LMCD1: variants seen among roughly 807,000 people sequenced by gnomAD.
LMCD1 encodes LIM and cysteine-rich domains protein 1.
Under a neutral mutation model 42.7 loss-of-function variants are expected in LMCD1, and 32 were observed. The ratio of observed to expected loss-of-function variants is 0.75; its 90% CI spans 0.57 to 1.01. The LOEUF (loss-of-function observed/expected upper bound fraction) is 1.01. Ranked by LOEUF, LMCD1 falls within the 50% of genes least tolerant of loss-of-function variation. LMCD1 has a pLI of 0.00. For synonymous variants in LMCD1, 178 were observed against 184.9 expected (o/e 0.96, Z 0.30); for missense variants, 458 against 483.1 (o/e 0.95, Z 0.49).
At chr3:8,543,890 T>C (rs1694683352) in intron 3 of LMCD1, among the ~76,000 whole-genome samples, 1 of 152,242 alleles carries the variant, frequency 6.6e-6, no homozygotes, top group Admixed American at 6.5e-5. Context: ...TCTTCAGACC[T>C]ACCTGACTGA....
chr3:8,506,728 AT>A (rs1164633790), intron 1 of LMCD1, among the ~76,000 whole-genome samples: 1 of 152,174 alleles, frequency 6.6e-6, no homozygotes, highest in Non-Finnish European at 1.5e-5. Context: ...TTAAATCTTT[AT>A]TTTAAGAACA....
intron 4 of LMCD1, among the ~76,000 whole-genome samples, chr3:8,560,895 A>G (rs566088237): frequency 6.6e-6 from 1 of 152,360 alleles, no homozygotes; most frequent in South Asian, 2.1e-4. Flanking sequence ...GTCAGGATCC[A>G]GTTCAAGATA....
chr3:8,546,658 G>A (rs1311335352), intron 3 of LMCD1, among the ~76,000 whole-genome samples: 1 of 149,382 alleles, frequency 6.7e-6, no homozygotes, highest in Non-Finnish European at 1.5e-5. Flanking sequence ...AATACACTAG[G>A]AATGGTTAAG....
At chr3:8,537,498 G>A (rs539507730) in intron 3 of LMCD1, 58 bp downstream of exon 3, 63 of 1,482,242 alleles carry the variant, frequency 4.3e-5, no homozygotes, top group Non-Finnish European at 5.6e-5. Context: ...TACTAGCCAT[G>A]TCAAGTGTTT....
At chr3:8,544,711 T>G (rs1164193217) in intron 3 of LMCD1, among the ~76,000 whole-genome samples, 1 of 152,218 alleles carries the variant, frequency 6.6e-6, no homozygotes. Context: ...AGCATGAATT[T>G]CCATGTTCAC....
At chr3:8,567,326 G>A (rs551806381) in intron 5 of LMCD1, 114 bp from the exon 6 acceptor site, 14 of 1,090,272 alleles carry the variant, frequency 1.3e-5, no homozygotes, top group Middle Eastern at 2.1e-4. Context: ...GGCTTTAAAA[G>A]GTCAAAACAA....
In LMCD1 at chr3:8,508,155, A is replaced by G. The variant is rs1406847256; in HGVS notation, c.42+6175A>G. Reference sequence around the variant, plus strand: ...AGAGAGACCTTTTAAAGAATAATACATGTTATCCTAATACTCTAAAAATAA... The same window carrying G: ...AGAGAGACCTTTTAAAGAATAATACGTGTTATCCTAATACTCTAAAAATAA... On this transcript the variant is annotated intron_variant, in intron 1 of 5. Transcript: ENST00000157600. 2.0e-5 allele frequency among the ~76,000 whole-genome samples: 3 copies of G among 152,342 alleles called. No homozygotes were observed. The East Asian group carries it at 5.8e-4, about 29-fold the overall frequency.
chr3:8,515,925 A>T (rs981169784), intron 1 of LMCD1, among the ~76,000 whole-genome samples: 2 of 152,016 alleles, frequency 1.3e-5, no homozygotes, highest in African/African-American at 4.8e-5. Context: ...GGGAGTGGGG[A>T]GGAGACTTCG....
intron 4 of LMCD1, among the ~76,000 whole-genome samples, chr3:8,564,803 G>A (rs191091388): frequency 2.0e-5 from 3 of 152,206 alleles, no homozygotes; most frequent in South Asian, 2.1e-4. Context: ...AAAATGCATC[G>A]TCCTCCTTTT....
At chr3:8,520,208 A>T (rs1488434220) in intron 1 of LMCD1, among the ~76,000 whole-genome samples, 1 of 152,154 alleles carries the variant, frequency 6.6e-6, no homozygotes, top group African/African-American at 2.4e-5. Context: ...CAAATTTGGA[A>T]TTCAGACACA....
At chr3:8,548,496 T>C in intron 3 of LMCD1, 72 bp from the exon 4 acceptor site, 1 of 1,075,856 alleles carries the variant, frequency 9.3e-7, no homozygotes, top group Non-Finnish European at 1.3e-6. Flanking sequence ...TTTAGGTAGA[T>C]TCTGTCATAG....
chr3:8,548,681 T>C lies in LMCD1; in HGVS notation c.501T>C (p.Asp167=). 6.2e-7 allele frequency: 1 copy of C among 1,614,148 alleles called. No homozygotes were observed. The highest frequency in any genetic ancestry group is 1.1e-5 in the South Asian group (1 of 91,082). The change falls in exon 4 of 6, where the codon GAT becomes GAC. Residue 167 remains aspartate (D), a synonymous_variant. Coordinates refer to ENST00000157600, the MANE Select transcript of LMCD1 (RefSeq NM_014583.4). Reference sequence around the variant, plus strand: ...ACCAGCTCCCCATCTATGACCAGGATCCCTCGCGCTGCCGTGGACTTTTGG... The same window carrying C: ...ACCAGCTCCCCATCTATGACCAGGACCCCTCGCGCTGCCGTGGACTTTTGG... The part of the protein sequence containing the change: ...LMHQLPIYDQ[D]PSRCRGLLEN...
chr3:8,521,108 G>A (rs1487635440), intron 1 of LMCD1, among the ~76,000 whole-genome samples: 1 of 152,196 alleles, frequency 6.6e-6, no homozygotes, highest in Non-Finnish European at 1.5e-5. Context: ...CTTCAGTCCA[G>A]TGGGGTCCCT....
At chr3:8,509,386 C>T (rs1369667621) in intron 1 of LMCD1, among the ~76,000 whole-genome samples, 2 of 152,124 alleles carry the variant, frequency 1.3e-5, no homozygotes, top group East Asian at 1.9e-4. Context: ...GGTGTTTGGT[C>T]GCTACCCTTT....
intron 4 of LMCD1, 143 bp from the exon 5 acceptor site, chr3:8,565,289 G>C (rs1695107163): frequency 2.9e-6 from 2 of 690,908 alleles, no homozygotes; most frequent in Admixed American, 2.2e-5. Context: ...TCGCTTTGCA[G>C]ATGACAAAAC....
chr3:8,563,166 T>C (rs1371396559), intron 4 of LMCD1, among the ~76,000 whole-genome samples: 2 of 152,240 alleles, frequency 1.3e-5, no homozygotes, highest in Non-Finnish European at 2.9e-5. Context: ...TGGATGTGGC[T>C]CCTGCTTCCA....
rs944725358 is a variant in LMCD1, at chr3:8,572,899, G to A, written c.*5301G>A. ...GGGGTTCCTTCTTAATCTGGCTGTT[G>A]TTGTGTTGGAACTCCTGGTACCATC... On this transcript the variant is annotated 3_prime_UTR_variant, in exon 6 of 6. Coordinates refer to ENST00000157600, the MANE Select transcript of LMCD1 (RefSeq NM_014583.4). 6.6e-6 allele frequency: 1 copy of A among 152,126 alleles called. No individual in the cohort carries two copies. The highest frequency in any genetic ancestry group is 1.5e-5 in the Non-Finnish European group (1 of 68,040). The allele number at this position is 152,126 out of a possible 1,614,324, so 9.4% of individuals were successfully genotyped here. A position where few individuals can be genotyped will look rare whatever the true frequency, so the allele number is the denominator to read the frequency against.
chr3:8,512,041 G>A (rs190924089), intron 1 of LMCD1, among the ~76,000 whole-genome samples: 33 of 152,298 alleles, frequency 2.2e-4, no homozygotes, highest in African/African-American at 6.7e-4. Flanking sequence ...ACACATATAC[G>A]TCCGTGAGAT....
At chr3:8,564,007 G>T (rs1373349050) in intron 4 of LMCD1, among the ~76,000 whole-genome samples, 1 of 152,160 alleles carries the variant, frequency 6.6e-6, no homozygotes, top group Non-Finnish European at 1.5e-5. Context: ...GTCCCAGCTA[G>T]GAGGAGCCTC....
Sources: gnomAD v4.1 joint callset for allele counts (sites outside exome capture counted in the v4.1 genomes callset) on GRCh38, gnomAD v4.1.1 for gene constraint, MANE v1.5 for transcripts, NCBI Gene and HGNC (gene_info 2026-07-23, HGNC 2026-07-21) for gene names.